The following NFAT5 variants were observed in gnomAD, a reference collection of about 807,000 sequenced individuals.
The protein encoded by NFAT5 is nuclear factor of activated T-cells 5.
NFAT5 carries 31 observed loss-of-function variants against 166.5 expected under a neutral mutation model. That is an observed-to-expected ratio of 0.19 (90% CI 0.14 to 0.25). The LOEUF (loss-of-function observed/expected upper bound fraction) is 0.25. Ranked by LOEUF, NFAT5 falls within the 10% of genes least tolerant of loss-of-function variation. The pLI, the probability that NFAT5 is intolerant of heterozygous loss-of-function variation, is 1.00. For synonymous variants in NFAT5, 612 were observed against 639.7 expected (o/e 0.96, Z 0.65); for missense variants, 1,449 against 1,821.8 (o/e 0.80, Z 3.72).
At position 69,608,671 on chromosome 16, in the gene NFAT5, A is replaced by G. The variant is rs145024755; in HGVS notation, c.128-17732A>G. 1.4e-3 allele frequency among the ~76,000 whole-genome samples: 213 copies of G among 151,986 alleles called. 5 individuals are homozygous for G. In the East Asian group the frequency reaches 0.033, roughly 24 times the overall value. ...TTTAGTCAGGCTGTGGTACAGTGCA[A>G]TGGCACAATTTCTGCTCACTGCAAG... On this transcript the variant is annotated intron_variant, in intron 2 of 14. Coordinates refer to ENST00000349945, the MANE Select transcript of NFAT5 (RefSeq NM_138713.4).
chr16:69,695,562 G>A, intron 14 of NFAT5, 183 bp downstream of exon 14: 1 of 556,706 alleles, frequency 1.8e-6, no homozygotes, highest in Non-Finnish European at 3.2e-6. Flanking sequence ...ATACAGACCA[G>A]GCCGGGCGTG....
intron 7 of NFAT5, among the ~76,000 whole-genome samples, chr16:69,661,903 T>C (rs532594578): frequency 1.3e-5 from 2 of 152,152 alleles, no homozygotes; most frequent in Non-Finnish European, 1.5e-5. Context: ...AGTAAAATTA[T>C]ATTAACTTCC....
intron 4 of NFAT5, among the ~76,000 whole-genome samples, chr16:69,650,578 C>T (rs1265354564): frequency 6.6e-6 from 1 of 152,036 alleles, no homozygotes; most frequent in African/African-American, 2.4e-5. Context: ...TTTATTTGCC[C>T]TTATAAATAT....
At chr16:69,676,081 G>T (rs1329618453) in intron 9 of NFAT5, among the ~76,000 whole-genome samples, 1 of 152,172 alleles carries the variant, frequency 6.6e-6, no homozygotes, top group Non-Finnish European at 1.5e-5. Flanking sequence ...AACGAACTAT[G>T]TAGTCTAACT....
chr16:69,641,690 G>C (rs1022352874), intron 3 of NFAT5, among the ~76,000 whole-genome samples: 2 of 152,108 alleles, frequency 1.3e-5, no homozygotes, highest in African/African-American at 4.8e-5. Flanking sequence ...TATTATGGTA[G>C]TTAAAATAAT....
At chr16:69,661,561 A>AAAAG (rs1555529630) in intron 7 of NFAT5, among the ~76,000 whole-genome samples, 1 of 149,294 alleles carries the variant, frequency 6.7e-6, no homozygotes, top group African/African-American at 2.5e-5. Context: ...AAAAAAAAAA[A>AAAAG]AAAAAAGGAA....
chr16:69,626,580 G>A, intron 3 of NFAT5, 52 bp downstream of exon 3: 2 of 1,423,854 alleles, frequency 1.4e-6, no homozygotes, highest in South Asian at 1.8e-5. Flanking sequence ...ATATAAATCT[G>A]GCCAACATGA....
intron 9 of NFAT5, among the ~76,000 whole-genome samples, chr16:69,675,210 T>A (rs1036189286): frequency 3.3e-5 from 5 of 152,234 alleles, no homozygotes; most frequent in Admixed American, 2.6e-4. Context: ...TTTGATAAAA[T>A]ATGCATCTGA....
Position 69,698,481 on chromosome 16 carries a change from C to T in NFAT5, c.*2130C>T, listed in dbSNP as rs2037832725. On this transcript the variant is annotated 3_prime_UTR_variant, in exon 15 of 15. Coordinates refer to ENST00000349945, the MANE Select transcript of NFAT5 (RefSeq NM_138713.4). ...CTGATGTTCTACCACAACGTGGCGT[C>T]TGATAACAGTGAGGGGGGGTGGGGT... is the stretch of plus-strand genomic sequence containing the variant. 2.0e-5 allele frequency: 3 copies of T among 149,924 alleles called. No homozygotes were observed. Among genetic ancestry groups the T allele is most frequent in the Admixed American group, 6.7e-5 (1 of 14,888 alleles). The allele number at this position is 149,924 out of a possible 1,614,324, so 9.3% of individuals were successfully genotyped here. A position where few individuals can be genotyped will look rare whatever the true frequency, so the allele number is the denominator to read the frequency against.
In NFAT5 at chr16:69,661,539, T is replaced by TAAAAAAAAAAAAAAA. The variant is rs1037382239; in HGVS notation, c.1369+1654_1369+1668dup. Reference sequence around the variant, plus strand: ...AGCCTGTATAAGAGACCCAGTCTCTTAAAAAAAAAAAAAAAAAAAAAAAAA... The same window carrying TAAAAAAAAAAAAAAA: ...AGCCTGTATAAGAGACCCAGTCTCTTAAAAAAAAAAAAAAAAAAAAAAAAAAAAAAAAAAAAAAAA... On this transcript the variant is annotated intron_variant, in intron 7 of 14. Transcript: ENST00000349945. 4.2e-4 allele frequency among the ~76,000 whole-genome samples: 16 copies of TAAAAAAAAAAAAAAA among 37,930 alleles called. 2 individuals are homozygous for TAAAAAAAAAAAAAAA. Among genetic ancestry groups the TAAAAAAAAAAAAAAA allele is most frequent in the East Asian group, 1.3e-3 (1 of 754 alleles). The allele number at this position is 37,930 out of a possible 152,430, so 24.9% of individuals were successfully genotyped here.
At chr16:69,674,423 G>A (rs191176398) in intron 9 of NFAT5, among the ~76,000 whole-genome samples, 25 of 151,830 alleles carry the variant, frequency 1.6e-4, no homozygotes, top group African/African-American at 5.3e-4. Context: ...TTTAACAACT[G>A]TAGATGAGTT....
intron 7 of NFAT5, among the ~76,000 whole-genome samples, chr16:69,666,656 A>G (rs1270202480): frequency 6.6e-6 from 1 of 152,126 alleles, no homozygotes; most frequent in Admixed American, 6.5e-5. Flanking sequence ...GGCAATCATT[A>G]AAAAGTCAGG....
chr16:69,615,846 A>C (rs2033918485), intron 2 of NFAT5, among the ~76,000 whole-genome samples: 1 of 151,956 alleles, frequency 6.6e-6, no homozygotes, highest in Non-Finnish European at 1.5e-5. Context: ...TAATACCCTA[A>C]TTACCCAACT....
intron 10 of NFAT5, among the ~76,000 whole-genome samples, chr16:69,683,461 G>A (rs1416002591): frequency 2.0e-5 from 3 of 152,050 alleles, no homozygotes; most frequent in Non-Finnish European, 4.4e-5. Flanking sequence ...AGCTTGGGAG[G>A]TGGAAGTTGC....
intron 3 of NFAT5, among the ~76,000 whole-genome samples, chr16:69,635,113 C>A (rs569677480): frequency 1.4e-5 from 2 of 146,204 alleles, no homozygotes; most frequent in Admixed American, 7.1e-5. Context: ...TGGGTTCAAG[C>A]GATTCTCCTG....
intron 4 of NFAT5, chr16:69,649,590 T>G (rs898053338): frequency 1.6e-5 from 15 of 967,710 alleles, no homozygotes; most frequent in Non-Finnish European, 1.8e-5. Context: ...TATTTGAAAC[T>G]AGTATATGGA....
At chr16:69,667,834 A>G (rs928933338) in intron 7 of NFAT5, among the ~76,000 whole-genome samples, 1 of 152,234 alleles carries the variant, frequency 6.6e-6, no homozygotes, top group Non-Finnish European at 1.5e-5. Flanking sequence ...TTACCTTTGA[A>G]TAAACTGATT....
At chr16:69,615,956 C>G (rs1383969524) in intron 2 of NFAT5, among the ~76,000 whole-genome samples, 1 of 152,090 alleles carries the variant, frequency 6.6e-6, no homozygotes, top group Non-Finnish European at 1.5e-5. Flanking sequence ...GTTTCTTACT[C>G]CCCACTTTGG....
intron 2 of NFAT5, among the ~76,000 whole-genome samples, chr16:69,579,435 A>G (rs2031522520): frequency 1.3e-5 from 2 of 152,198 alleles, no homozygotes; most frequent in Non-Finnish European, 2.9e-5. Flanking sequence ...TGACTTCTTA[A>G]TTCCTTAAAA....
Sources: allele counts gnomAD v4.1 joint callset (sites outside exome capture counted in the v4.1 genomes callset), GRCh38; gene constraint gnomAD v4.1.1; transcripts MANE v1.5; gene names NCBI Gene and HGNC (gene_info 2026-07-23, HGNC 2026-07-21).